Variants in VPS13C observed in about 807,000 individuals in gnomAD.
VPS13C encodes the protein intermembrane lipid transfer protein VPS13C.
Under a neutral mutation model 456.8 loss-of-function variants are expected in VPS13C, and 358 were observed. The observed-to-expected ratio is 0.78, with a 90% confidence interval of 0.72 to 0.86. The LOEUF is 0.86. Among genes scored for constraint, VPS13C ranks in the 40% least tolerant of loss-of-function variants. The pLI, the probability that VPS13C is intolerant of heterozygous loss-of-function variation, is 0.00. For missense variants in VPS13C, 4,818 were observed against 4,385.4 expected, an observed-to-expected ratio of 1.10 and a Z score of -2.79; for synonymous variants, 1,578 against 1,486.7, an observed-to-expected ratio of 1.06 and a Z score of -1.41.
chr15:61,871,848 A>G, intron 79 of VPS13C, 141 bp downstream of exon 79: 1 of 682,890 alleles, frequency 1.5e-6, no homozygotes, highest in Non-Finnish European at 2.4e-6. Context: ...AAATACATTC[A>G]TTGAGCAACT....
chr15:62,049,707 C>T (rs918664700), intron 1 of VPS13C, among the ~76,000 whole-genome samples: 2 of 152,146 alleles, frequency 1.3e-5, no homozygotes, highest in Non-Finnish European at 2.9e-5. Context: ...TGGCCATTTT[C>T]ACAATATTGA....
intron 81 of VPS13C, chr15:61,866,924 G>A: frequency 1.0e-6 from 1 of 984,432 alleles, no homozygotes; most frequent in Non-Finnish European, 1.2e-6. Context: ...CTTCATTTCT[G>A]AGGAGAAGCA....
chr15:61,872,367 A>G (rs768900939), intron 78 of VPS13C, among the ~76,000 whole-genome samples: 1 of 152,132 alleles, frequency 6.6e-6, no homozygotes, highest in Non-Finnish European at 1.5e-5. Flanking sequence ...TTTCCACATC[A>G]GCAAAATGAG....
At chr15:61,991,183 A>T in intron 17 of VPS13C, 89 bp from the exon 18 acceptor site, 1 of 996,546 alleles carries the variant, frequency 1.0e-6, no homozygotes, top group South Asian at 1.5e-5. Flanking sequence ...GTATCCTAAA[A>T]TCAACAGACA....
chr15:61,991,945 C>G (rs1289959133), intron 16 of VPS13C, 143 bp from the exon 17 acceptor site: 2 of 905,052 alleles, frequency 2.2e-6, no homozygotes, highest in Non-Finnish European at 3.2e-6. Context: ...AAATGATGCT[C>G]ACAACATAAT....
At chr15:62,029,327 T>C (rs2047735954) in intron 5 of VPS13C, among the ~76,000 whole-genome samples, 1 of 152,122 alleles carries the variant, frequency 6.6e-6, no homozygotes, top group Non-Finnish European at 1.5e-5. Flanking sequence ...ATTAACATCA[T>C]CAGAGCATGC....
chr15:62,056,173 G>A (rs904500792), intron 1 of VPS13C, among the ~76,000 whole-genome samples: 4 of 152,268 alleles, frequency 2.6e-5, no homozygotes, highest in South Asian at 2.1e-4. Flanking sequence ...CCACCCAGGC[G>A]CCAAGGCAAG....
At chr15:62,056,305 C>T (rs1165956038) in intron 1 of VPS13C, among the ~76,000 whole-genome samples, 3 of 152,080 alleles carry the variant, frequency 2.0e-5, no homozygotes, top group African/African-American at 7.2e-5. Context: ...CTCTTTATCC[C>T]AATATTATAA....
At chr15:62,011,693 A>G (rs1319397742) in intron 12 of VPS13C, among the ~76,000 whole-genome samples, 1 of 151,976 alleles carries the variant, frequency 6.6e-6, no homozygotes, top group African/African-American at 2.4e-5. Flanking sequence ...AAAGCTCACT[A>G]AAAAAATTCT....
Position 62,044,395 on chromosome 15 carries a change from C to T in VPS13C, c.101-140G>A, listed in dbSNP as rs916960138. 1.2e-5 allele frequency: 6 copies of T among 498,920 alleles called. 1 individual carries two copies. Among genetic ancestry groups the T allele is most frequent in the Admixed American group, 8.4e-5 (2 of 23,826 alleles). 30.9% of individuals were successfully genotyped at this position (498,920 alleles called of 1,614,324 possible). A position where few individuals can be genotyped will look rare whatever the true frequency, so the allele number is the denominator to read the frequency against. ...AACAAAGGTGACTTAAGAGGCTACC[C>T]GGCACAAAATAGTTGCTACATATGC... On this transcript the variant is annotated intron_variant, in intron 1 of 84. Coordinates refer to ENST00000644861, the MANE Select transcript of VPS13C (RefSeq NM_020821.3).
At chr15:62,006,268 C>A (rs146974127) in intron 15 of VPS13C, among the ~76,000 whole-genome samples, 1,675 of 152,204 alleles carry the variant, frequency 0.011, 41 homozygotes, top group African/African-American at 0.039. Context: ...CCGCACCCCA[C>A]AACAGTCCCC....
At chr15:61,982,914 G>C (rs1341405491) in intron 20 of VPS13C, among the ~76,000 whole-genome samples, 1 of 152,116 alleles carries the variant, frequency 6.6e-6, no homozygotes, top group South Asian at 2.1e-4. Context: ...AGATTCCCTT[G>C]CACTTTGAAG....
intron 61 of VPS13C, 149 bp downstream of exon 61, chr15:61,915,484 A>G (rs1482723162): frequency 6.0e-6 from 5 of 837,686 alleles, no homozygotes; most frequent in Non-Finnish European, 8.9e-6. Flanking sequence ...CTAACATCCC[A>G]CTTGATTACG....
rs756100116 is a variant in VPS13C at position 61,918,156 on chromosome 15, A to G, written c.7740T>C (p.His2580=). 1.6e-5 allele frequency: 25 copies of G among 1,596,470 alleles called. No homozygotes were observed. The highest frequency in any genetic ancestry group is 2.3e-5 in the East Asian group (1 of 44,022). The part of the protein sequence containing the change: ...IGIARPEEEF[H]VPLDSYRCQL... ...TCTACCTATATGAATCTAAAGGAAC[A>G]TGGAACTCCTCTTCAGGTCTGGCTA... The change falls in exon 59 of 85, where the codon CAT becomes CAC. Residue 2580 remains histidine (H), a synonymous_variant. Coordinates refer to ENST00000644861, the MANE Select transcript of VPS13C (RefSeq NM_020821.3).
At chr15:61,947,398 C>T (rs1321231571) in intron 42 of VPS13C, 89 bp from the exon 43 acceptor site, 2 of 947,088 alleles carry the variant, frequency 2.1e-6, no homozygotes, top group Non-Finnish European at 3.2e-6. Context: ...ATAAAAGTAC[C>T]CAATGTACTC....
intron 18 of VPS13C, among the ~76,000 whole-genome samples, chr15:61,987,268 A>G (rs1169898889): frequency 1.3e-5 from 2 of 152,304 alleles, no homozygotes; most frequent in Non-Finnish European, 2.9e-5. Flanking sequence ...TTATAAAACT[A>G]TAATAATCAA....
At chr15:61,942,218 CAT>C (rs1282668368) in intron 45 of VPS13C, 151 bp from the exon 46 acceptor site, 2 of 596,028 alleles carry the variant, frequency 3.4e-6, no homozygotes, top group Admixed American at 6.8e-5. Flanking sequence ...AGTCTAGAAA[CAT>C]ACACTCTGAG....
rs150955966 is a variant in VPS13C, at chr15:61,931,097, T to C, written c.6031A>G (p.Thr2011Ala). The C allele has an allele frequency of 1.5e-5, 24 of 1,613,926 alleles. 1 individual carries two copies. The highest frequency in any genetic ancestry group is 1.2e-4 in the South Asian group (11 of 91,078). ...DDLREGIERA[T>A]SRMIDRKNDQ... ...AACTCAGAGCTGACAAACCTCGATG[T>C]TGCTCTCTCAATTCCTTCTCTGAGA... Residue 2011 changes from threonine to alanine, a missense_variant, in exon 50 of 85, where the codon ACA (threonine) becomes GCA (alanine). By Grantham distance (58) the Thr-to-Ala change is moderately conservative. Transcript: ENST00000644861.
rs138101604 is a variant in VPS13C, at chr15:62,000,227, G to A, written c.1353+337C>T. ...AACTACAAAAAAAAATTAGCCGGGC[G>A]TGGTGGCACACGCCTATGATCCCAG... On this transcript the variant is annotated intron_variant, in intron 16 of 84. Coordinates refer to ENST00000644861, the MANE Select transcript of VPS13C (RefSeq NM_020821.3). Among the ~76,000 whole-genome samples, 49 of 152,138 alleles carry A rather than the reference G, an allele frequency of 3.2e-4. No homozygotes were observed. The South Asian group carries it at 3.7e-3, about 12-fold the overall frequency.
Sources: gnomAD v4.1 joint callset for allele counts (sites outside exome capture counted in the v4.1 genomes callset) on GRCh38, gnomAD v4.1.1 for gene constraint, MANE v1.5 for transcripts, NCBI Gene and HGNC (gene_info 2026-07-23, HGNC 2026-07-21) for gene names.